The following STIMATE variants were observed in gnomAD, a reference collection of about 807,000 sequenced individuals.
The protein encoded by STIMATE is store-operated calcium entry regulator STIMATE.
A neutral mutation model predicts 36.7 loss-of-function variants in STIMATE; 15 were observed. The observed-to-expected ratio is 0.41, with a 90% CI of 0.27 to 0.63. STIMATE has a LOEUF of 0.63. Ranked by LOEUF, STIMATE falls within the 20% of genes least tolerant of loss-of-function variation. The pLI, the probability that STIMATE is intolerant of heterozygous loss-of-function variation, is 0.32. For synonymous variants in STIMATE, 163 were observed against 162.3 expected, an observed-to-expected ratio of 1.00 and a Z score of -0.03; for missense variants, 305 against 397.3, an observed-to-expected ratio of 0.77 and a Z score of 1.98.
At chr3:52,880,805 G>C (rs909076046) in intron 1 of STIMATE, among the ~76,000 whole-genome samples, 1 of 152,158 alleles carries the variant, frequency 6.6e-6, no homozygotes, top group Middle Eastern at 3.2e-3. Flanking sequence ...CAATTCAAAG[G>C]CTCACTATAT....
chr3:52,875,657 G>C (rs1007581030), intron 1 of STIMATE, among the ~76,000 whole-genome samples: 4 of 152,196 alleles, frequency 2.6e-5, no homozygotes, highest in Non-Finnish European at 1.5e-5. Flanking sequence ...GGAGTCTTGA[G>C]GTCCACCTGT....
intron 1 of STIMATE, among the ~76,000 whole-genome samples, chr3:52,870,453 C>T (rs748539035): frequency 6.6e-6 from 1 of 152,010 alleles, no homozygotes; most frequent in African/African-American, 2.4e-5. Flanking sequence ...CCAGGCTGGT[C>T]GGCCTCTGTC....
intron 1 of STIMATE, among the ~76,000 whole-genome samples, chr3:52,891,711 A>AG (rs1303455420): frequency 1.3e-5 from 2 of 152,132 alleles, no homozygotes; most frequent in Non-Finnish European, 2.9e-5. Flanking sequence ...CACTCTGTGA[A>AG]GAGGGCTAAA....
In STIMATE at chr3:52,881,680, C is replaced by T. The variant is rs547787961; in HGVS notation, c.160+15611G>A. On this transcript the variant is annotated intron_variant, in intron 1 of 7. Coordinates refer to ENST00000355083, the MANE Select transcript of STIMATE (RefSeq NM_198563.5). ...TTGCACCACTGCACTCCAGCCCGGG[C>T]GACAGAGTGAGACTCCGTCTCTAAA... Among the ~76,000 whole-genome samples, 20 of 152,022 alleles carry T rather than the reference C, an allele frequency of 1.3e-4. 1 individual carries two copies. In the South Asian group the frequency reaches 3.3e-3, roughly 25 times the overall value.
chr3:52,856,264 G>A (rs1198933004), intron 1 of STIMATE, among the ~76,000 whole-genome samples: 2 of 152,192 alleles, frequency 1.3e-5, no homozygotes, highest in South Asian at 2.1e-4. Flanking sequence ...AATTGAGCAG[G>A]GGCCAAATGA....
At chr3:52,885,632 G>T (rs1701678129) in intron 1 of STIMATE, among the ~76,000 whole-genome samples, 1 of 152,208 alleles carries the variant, frequency 6.6e-6, no homozygotes, top group African/African-American at 2.4e-5. Context: ...TTCATAAAAA[G>T]TCTCGAGGAG....
At position 52,863,908 on chromosome 3, in the gene STIMATE, G is replaced by A. The variant is rs572080419; in HGVS notation, c.161-8464C>T. ...CATCCAGGTCATGCTGATTCAAGAG[G>A]TAGGTTCCCACAGTCTTGGGCAGCT... On this transcript the variant is annotated intron_variant, in intron 1 of 7. Transcript: ENST00000355083. Among the ~76,000 whole-genome samples, 100 of 152,374 alleles carry A rather than the reference G, an allele frequency of 6.6e-4. No individual in the cohort carries two copies. In the South Asian group the frequency reaches 7.5e-3, roughly 11 times the overall value.
chr3:52,883,018 A>G (rs754440789), intron 1 of STIMATE, among the ~76,000 whole-genome samples: 71 of 152,340 alleles, frequency 4.7e-4, no homozygotes, highest in Non-Finnish European at 9.7e-4. Flanking sequence ...AATTTCTTCC[A>G]AACGTCTGTA....
chr3:52,856,849 T>C (rs1037444878), intron 1 of STIMATE, among the ~76,000 whole-genome samples: 1 of 152,092 alleles, frequency 6.6e-6, no homozygotes, highest in Non-Finnish European at 1.5e-5. Flanking sequence ...CAAGAGGAAA[T>C]GAAAAGTTTT....
Position 52,839,693 on chromosome 3 carries a change from C to T in STIMATE, c.*801G>A, listed in dbSNP as rs1474713894. ...TAGAGAAGGGCCATCCTCCTTCCCT[C>T]CCCATCATTTGTCTCATCTTATCAT... On this transcript the variant is annotated 3_prime_UTR_variant, in exon 8 of 8. Coordinates refer to ENST00000355083, the MANE Select transcript of STIMATE (RefSeq NM_198563.5). The T allele has an allele frequency of 2.0e-5, 3 of 152,166 alleles. No homozygotes were observed. Among genetic ancestry groups the T allele is most frequent in the Non-Finnish European group, 4.4e-5 (3 of 68,030 alleles). The allele number at this position is 152,166 out of a possible 1,614,324, so 9.4% of individuals were successfully genotyped here.
chr3:52,855,302 C>T (rs1324782316), intron 2 of STIMATE, 94 bp downstream of exon 2: 2 of 1,445,350 alleles, frequency 1.4e-6, no homozygotes, highest in Non-Finnish European at 9.4e-7. Flanking sequence ...ACATTCCATG[C>T]CCTCCCCACT....
At position 52,838,157 on chromosome 3, in the gene STIMATE, G is replaced by A. The variant is rs866014701; in HGVS notation, c.*2337C>T. On this transcript the variant is annotated 3_prime_UTR_variant, in exon 8 of 8. Transcript: ENST00000355083. ...GCCCTTTCTGAAAATCAGGATACAGGGAAAAACCACCACTCTTCAGCTACC... is the reference window on the plus strand; with the variant it reads ...GCCCTTTCTGAAAATCAGGATACAGAGAAAAACCACCACTCTTCAGCTACC... The A allele has an allele frequency of 6.6e-6, 1 of 152,212 alleles. No homozygotes were observed. The allele number at this position is 152,212 out of a possible 1,614,324, so 9.4% of individuals were successfully genotyped here. A position where few individuals can be genotyped will look rare whatever the true frequency, so the allele number is the denominator to read the frequency against.
chr3:52,843,591 G>GA, intron 6 of STIMATE, 130 bp downstream of exon 6: 1 of 1,370,684 alleles, frequency 7.3e-7, no homozygotes, highest in Non-Finnish European at 1.0e-6. Context: ...CTGGGGGTGG[G>GA]AGAGGTGGCA....
chr3:52,845,683 T>G (rs1559489143), intron 4 of STIMATE, among the ~76,000 whole-genome samples: 1 of 152,136 alleles, frequency 6.6e-6, no homozygotes, highest in Non-Finnish European at 1.5e-5. Context: ...TAGTACAAGC[T>G]GGAGGATGTG....
At chr3:52,872,047 T>C (rs1247260116) in intron 1 of STIMATE, among the ~76,000 whole-genome samples, 3 of 152,262 alleles carry the variant, frequency 2.0e-5, no homozygotes, top group South Asian at 2.1e-4. Context: ...GGCTGGCTTC[T>C]TTTTGTTCCT....
chr3:52,856,747 A>T (rs1221521402), intron 1 of STIMATE, among the ~76,000 whole-genome samples: 2 of 152,192 alleles, frequency 1.3e-5, no homozygotes, highest in Non-Finnish European at 2.9e-5. Context: ...ATGTCTGGGC[A>T]CTCATTCAGC....
At chr3:52,849,196 T>C (rs763789403) in intron 4 of STIMATE, among the ~76,000 whole-genome samples, 23 of 152,204 alleles carry the variant, frequency 1.5e-4, no homozygotes, top group Non-Finnish European at 8.8e-5. Context: ...AGCTTCTGTC[T>C]GCAGACACCT....
intron 1 of STIMATE, among the ~76,000 whole-genome samples, chr3:52,888,842 T>C (rs1421968942): frequency 2.0e-5 from 3 of 152,200 alleles, no homozygotes; most frequent in African/African-American, 4.8e-5. Context: ...CCATCAATGG[T>C]TGGTGACTGG....
In STIMATE at chr3:52,838,506, G is replaced by A. The variant is rs1171349340; in HGVS notation, c.*1988C>T. The stretch of plus-strand genomic sequence containing the variant: ...CATGAGTCTTGGTCTTCCTAAATTC[G>A]ACTGAGAATGGCCTGGTTCTAGCCA... On this transcript the variant is annotated 3_prime_UTR_variant, in exon 8 of 8. Transcript: ENST00000355083. 1.3e-5 allele frequency: 2 copies of A among 152,156 alleles called. No individual in the cohort carries two copies. The highest frequency in any genetic ancestry group is 4.8e-5 in the African/African-American group (2 of 41,420). 9.4% of individuals were successfully genotyped at this position (152,156 alleles called of 1,614,324 possible). A position where few individuals can be genotyped will look rare whatever the true frequency, so the allele number is the denominator to read the frequency against.
Sources: allele counts gnomAD v4.1 joint callset (sites outside exome capture counted in the v4.1 genomes callset), GRCh38; gene constraint gnomAD v4.1.1; transcripts MANE v1.5; gene names NCBI Gene and HGNC (gene_info 2026-07-23, HGNC 2026-07-21).